Variants in ULK4 observed in about 807,000 individuals in gnomAD.
ULK4 encodes inactive serine/threonine-protein kinase ULK4.
In ULK4, 133 loss-of-function variants were observed where a neutral mutation model predicts 160.6. The observed-to-expected ratio is 0.83, with a 90% CI of 0.72 to 0.96. The LOEUF is 0.96. ULK4 is among the 40% of genes least tolerant of loss of function. ULK4 has a pLI of 0.00. For missense variants in ULK4, 1,580 were observed against 1,499.5 expected, an observed-to-expected ratio of 1.05 and a Z score of -0.89; for synonymous variants, 534 against 539.8, an observed-to-expected ratio of 0.99 and a Z score of 0.15.
chr3:41,712,911 A>C (rs2037151477), intron 25 of ULK4, among the ~76,000 whole-genome samples: 1 of 151,982 alleles, frequency 6.6e-6, no homozygotes, highest in Non-Finnish European at 1.5e-5. Flanking sequence ...AAAAAGCAAA[A>C]AAACAAGCAA....
intron 2 of ULK4, among the ~76,000 whole-genome samples, chr3:41,949,498 T>C (rs1245469409): frequency 1.3e-5 from 2 of 149,426 alleles, no homozygotes; most frequent in Admixed American, 6.8e-5. Context: ...AATTACACGA[T>C]CTCAGCTCAC....
At chr3:41,781,976 G>C (rs527994326) in intron 21 of ULK4, among the ~76,000 whole-genome samples, 6 of 152,224 alleles carry the variant, frequency 3.9e-5, no homozygotes, top group African/African-American at 1.2e-4. Flanking sequence ...ATTTGGCCAT[G>C]AATGAAAAAT....
chr3:41,731,968 A>G (rs933931444), intron 22 of ULK4, among the ~76,000 whole-genome samples: 12 of 152,198 alleles, frequency 7.9e-5, no homozygotes, highest in Non-Finnish European at 1.8e-4. Flanking sequence ...CTCTCACCGT[A>G]TACAAAAATC....
At position 41,433,878 on chromosome 3, in the gene ULK4, C is replaced by T. The variant is rs570684166; in HGVS notation, c.3492+21619G>A. Among the ~76,000 whole-genome samples, 633 of 152,304 alleles carry T rather than the reference C, an allele frequency of 4.2e-3. 4 individuals are homozygous for T. The highest frequency in any genetic ancestry group is 0.015 in the African/African-American group (606 of 41,572). ...GGGACTACAGGCGCCCGCCACCACA[C>T]CGGGCTAATTTTTTGTATTTTGTTT... On this transcript the variant is annotated intron_variant, in intron 34 of 36. Transcript: ENST00000301831.
chr3:41,459,915 T>C (rs2083644203), intron 33 of ULK4, among the ~76,000 whole-genome samples: 1 of 151,998 alleles, frequency 6.6e-6, no homozygotes, highest in Admixed American at 6.6e-5. Flanking sequence ...TTATAGATAA[T>C]GAGATGTCAC....
At chr3:41,870,914 G>A (rs1262792813) in intron 17 of ULK4, among the ~76,000 whole-genome samples, 1 of 152,162 alleles carries the variant, frequency 6.6e-6, no homozygotes, top group Non-Finnish European at 1.5e-5. Context: ...CCAGGTGGAG[G>A]TAACTGAATC....
chr3:41,438,350 C>T (rs956857059), intron 34 of ULK4, among the ~76,000 whole-genome samples: 3 of 151,994 alleles, frequency 2.0e-5, no homozygotes, highest in East Asian at 1.9e-4. Flanking sequence ...TTATTGAGAG[C>T]GTGCTATGGT....
intron 35 of ULK4, among the ~76,000 whole-genome samples, chr3:41,267,733 C>T (rs1210325583): frequency 1.3e-5 from 2 of 152,172 alleles, no homozygotes; most frequent in African/African-American, 4.8e-5. Context: ...ACATGCACTC[C>T]TCCTGTCCAC....
chr3:41,638,199 ATGT>A (rs1387391642), intron 30 of ULK4, among the ~76,000 whole-genome samples: 7 of 152,172 alleles, frequency 4.6e-5, no homozygotes, highest in African/African-American at 1.7e-4. Context: ...TTTTAAAAGT[ATGT>A]TGTTATCTTA....
chr3:41,323,603 T>C (rs1351479700), intron 35 of ULK4, among the ~76,000 whole-genome samples: 2 of 152,250 alleles, frequency 1.3e-5, no homozygotes, highest in East Asian at 3.9e-4. Context: ...GCAAATTCTT[T>C]ACCAGCTGGC....
intron 30 of ULK4, among the ~76,000 whole-genome samples, chr3:41,643,031 T>C (rs181260789): frequency 1.3e-5 from 2 of 152,178 alleles, no homozygotes; most frequent in African/African-American, 4.8e-5. Flanking sequence ...CAGTTTTTGA[T>C]GGGGTTGTTT....
rs565727539 is a variant in ULK4 at position 41,941,755 on chromosome 3, C to CAAAAAAAAAAAAAAA, written c.139-3573_139-3559dup. On this transcript the variant is annotated intron_variant, in intron 2 of 36. Transcript: ENST00000301831. The stretch of plus-strand genomic sequence containing the variant: ...TGAGTGACAGAGTGAGACTCTGTCT[C>CAAAAAAAAAAAAAAA]AAAAAAAAAAAAAAAAAAAAAAAAG... Among the ~76,000 whole-genome samples, 9 of 30,750 alleles carry CAAAAAAAAAAAAAAA rather than the reference C, an allele frequency of 2.9e-4. 1 individual carries two copies. Among genetic ancestry groups the CAAAAAAAAAAAAAAA allele is most frequent in the East Asian group, 1.3e-3 (1 of 776 alleles). 20.2% of individuals were successfully genotyped at this position (30,750 alleles called of 152,430 possible).
intron 27 of ULK4, among the ~76,000 whole-genome samples, chr3:41,683,487 C>G (rs1459339902): frequency 2.6e-5 from 4 of 151,448 alleles, no homozygotes; most frequent in Admixed American, 2.0e-4. Flanking sequence ...TGGAAGGCCA[C>G]CTGAAGTTTT....
intron 35 of ULK4, among the ~76,000 whole-genome samples, chr3:41,338,513 T>C (rs1247825632): frequency 6.6e-6 from 1 of 152,110 alleles, no homozygotes; most frequent in Non-Finnish European, 1.5e-5. Context: ...ATTTCCTCTA[T>C]TGCTCACCCC....
intron 35 of ULK4, among the ~76,000 whole-genome samples, chr3:41,380,904 G>A (rs374272614): frequency 3.7e-4 from 56 of 152,212 alleles, no homozygotes; most frequent in Middle Eastern, 3.4e-3. Flanking sequence ...GGCTTTTCCC[G>A]CGTGATATGC....
At chr3:41,252,165 C>T (rs2078754169) in intron 35 of ULK4, among the ~76,000 whole-genome samples, 1 of 152,130 alleles carries the variant, frequency 6.6e-6, no homozygotes, top group Non-Finnish European at 1.5e-5. Flanking sequence ...ACAAAAATAT[C>T]AATATTCTCT....
chr3:41,797,933 A>G (rs1046068129), intron 20 of ULK4, among the ~76,000 whole-genome samples: 3 of 151,962 alleles, frequency 2.0e-5, no homozygotes, highest in Non-Finnish European at 4.4e-5. Context: ...GAAAAGAGAA[A>G]AGAAAAGAAA....
At chr3:41,916,911 A>G (rs1213641794) in intron 7 of ULK4, among the ~76,000 whole-genome samples, 3 of 151,536 alleles carry the variant, frequency 2.0e-5, no homozygotes, top group African/African-American at 7.3e-5. Flanking sequence ...TTTCACCATG[A>G]TAGTCAGGCT....
intron 31 of ULK4, among the ~76,000 whole-genome samples, chr3:41,612,214 G>C (rs888478564): frequency 6.6e-6 from 1 of 152,026 alleles, no homozygotes; most frequent in Admixed American, 6.6e-5. Context: ...GAGGATACTA[G>C]AGCCAAGTAT....
Sources: allele counts gnomAD v4.1 joint callset (sites outside exome capture counted in the v4.1 genomes callset), GRCh38; gene constraint gnomAD v4.1.1; transcripts MANE v1.5; gene names NCBI Gene and HGNC (gene_info 2026-07-23, HGNC 2026-07-21).